The following TP73 variants were observed in gnomAD, a reference collection of about 807,000 sequenced individuals.
TP73 encodes p53-like transcription factor.
A neutral mutation model predicts 62.5 loss-of-function variants in TP73; 25 were observed. That is an observed-to-expected ratio of 0.40 (90% CI 0.29 to 0.56). TP73 has a LOEUF of 0.56. Ranked by LOEUF, TP73 falls within the 20% of genes least tolerant of loss-of-function variation. TP73 has a pLI of 0.46. For missense variants in TP73, 754 were observed against 913.3 expected (o/e 0.83, Z 2.25); for synonymous variants, 423 against 377.5 (o/e 1.12, Z -1.40).
intron 4 of TP73, chr1:3,714,043 C>T (rs1640385972): frequency 6.6e-6 from 1 of 152,266 alleles, no homozygotes; most frequent in Non-Finnish European, 1.5e-5. Context: ...TGGAGCGAGG[C>T]ACCCAGCTCC....
At chr1:3,719,212 A>G (rs1557565289) in intron 4 of TP73, among the ~76,000 whole-genome samples, 1 of 151,834 alleles carries the variant, frequency 6.6e-6, no homozygotes, top group African/African-American at 2.4e-5. Context: ...GTTGAGTACC[A>G]CCTGTGTACC....
chr1:3,686,966 G>A lies in TP73; in HGVS notation c.186+3786G>A, dbSNP rs140387154. Reference sequence around the variant, plus strand: ...TGTGACAAACGCTAGGTGTGAGGGTGAGGGCAGGGAGGAGGCCCTGTGTTT... The same window carrying A: ...TGTGACAAACGCTAGGTGTGAGGGTAAGGGCAGGGAGGAGGCCCTGTGTTT... On this transcript the variant is annotated intron_variant, in intron 3 of 13. Coordinates refer to ENST00000378295, the MANE Select transcript of TP73 (RefSeq NM_005427.4). Among the ~76,000 whole-genome samples, 732 of 152,340 alleles carry A rather than the reference G, an allele frequency of 4.8e-3. 1 individual carries two copies. The highest frequency in any genetic ancestry group is 0.01 in the Middle Eastern group (3 of 294).
chr1:3,661,342 A>G (rs1277120581), intron 1 of TP73, among the ~76,000 whole-genome samples: 1 of 152,224 alleles, frequency 6.6e-6, no homozygotes, highest in Non-Finnish European at 1.5e-5. Context: ...ATGAAATAAT[A>G]CTTAATTCTC....
At chr1:3,709,803 G>A (rs1279755284) in intron 4 of TP73, among the ~76,000 whole-genome samples, 3 of 152,224 alleles carry the variant, frequency 2.0e-5, no homozygotes, top group African/African-American at 7.2e-5. Flanking sequence ...CTGGCAGGCA[G>A]CTTGTGGGAG....
At chr1:3,729,510 G>A in intron 10 of TP73, 62 bp downstream of exon 10, 1 of 1,607,726 alleles carries the variant, frequency 6.2e-7, no homozygotes, top group Non-Finnish European at 8.5e-7. Context: ...CCCCCCAGGA[G>A]AAGGCCAGGA....
chr1:3,686,885 G>C (rs2102112461), intron 3 of TP73, among the ~76,000 whole-genome samples: 1 of 152,294 alleles, frequency 6.6e-6, no homozygotes, highest in Middle Eastern at 3.4e-3. Flanking sequence ...CTACTGAGAG[G>C]CTCCAAGTCA....
intron 3 of TP73, 24 bp from the exon 4 acceptor site, chr1:3,707,525 C>G: frequency 6.3e-7 from 1 of 1,594,968 alleles, no homozygotes; most frequent in Non-Finnish European, 8.6e-7. Context: ...GTTTCCCCCT[C>G]CCTCCTCCCC....
chr1:3,713,722 G>C (rs1273381500), intron 4 of TP73, among the ~76,000 whole-genome samples: 1 of 152,190 alleles, frequency 6.6e-6, no homozygotes, highest in African/African-American at 2.4e-5. Context: ...GGAAGAGGGG[G>C]ACAGACAATT....
intron 1 of TP73, among the ~76,000 whole-genome samples, chr1:3,654,007 C>T (rs900403544): frequency 6.6e-6 from 1 of 152,162 alleles, no homozygotes; most frequent in Non-Finnish European, 1.5e-5. Flanking sequence ...AACCCAGTCT[C>T]TACTTGAAAT....
At chr1:3,684,334 C>T (rs1570435764) in intron 3 of TP73, among the ~76,000 whole-genome samples, 1 of 152,234 alleles carries the variant, frequency 6.6e-6, no homozygotes, top group East Asian at 1.9e-4. Flanking sequence ...CAGGGTCGGG[C>T]CTCCCTCACT....
intron 1 of TP73, among the ~76,000 whole-genome samples, chr1:3,671,878 G>A (rs1225843530): frequency 2.6e-5 from 4 of 152,156 alleles, no homozygotes; most frequent in African/African-American, 9.7e-5. Context: ...CACGGGGGAG[G>A]TCACGGGGCT....
At chr1:3,691,302 G>A (rs1156288489) in intron 3 of TP73, among the ~76,000 whole-genome samples, 4 of 152,148 alleles carry the variant, frequency 2.6e-5, no homozygotes, top group Non-Finnish European at 4.4e-5. Flanking sequence ...CAGAGTTTCC[G>A]AGCTGCCCTG....
At chr1:3,657,833 CTG>C (rs1441687896) in intron 1 of TP73, among the ~76,000 whole-genome samples, 6 of 152,230 alleles carry the variant, frequency 3.9e-5, no homozygotes, top group Non-Finnish European at 8.8e-5. Flanking sequence ...GGAAAACAGA[CTG>C]TTCCACACAC....
At chr1:3,673,262 G>A (rs1215244186) in intron 1 of TP73, among the ~76,000 whole-genome samples, 1 of 152,170 alleles carries the variant, frequency 6.6e-6, no homozygotes, top group East Asian at 1.9e-4. Flanking sequence ...AAGGAGCCAG[G>A]GACCCGGCAG....
rs561004989 is a variant in TP73, at chr1:3,698,778, G to T, written c.187-8771G>T. Among the ~76,000 whole-genome samples the T allele has an allele frequency of 2.7e-4, 41 of 152,300 alleles. 1 individual carries two copies. In the South Asian group the frequency reaches 7.7e-3, roughly 28 times the overall value. ...CCAGGCTACCCTGGAGTCATCTGAA[G>T]TCACCTGGGCGTGTGGAGGGACATG... is the stretch of plus-strand genomic sequence containing the variant. On this transcript the variant is annotated intron_variant, in intron 3 of 13. Transcript: ENST00000378295.
rs567787658 is a variant in TP73, at chr1:3,717,357, C to T, written c.430-4664C>T. 1.3e-4 allele frequency among the ~76,000 whole-genome samples: 20 copies of T among 152,282 alleles called. No homozygotes were observed. The South Asian group carries it at 2.9e-3, about 22-fold the overall frequency. Reference sequence around the variant, plus strand: ...AAGGAGAGGAGGGTCGGAGAGGAGCCGGCAGCGTGGGGAGGGATGGGCACA... The same window carrying T: ...AAGGAGAGGAGGGTCGGAGAGGAGCTGGCAGCGTGGGGAGGGATGGGCACA... On this transcript the variant is annotated intron_variant, in intron 4 of 13. Transcript: ENST00000378295.
At chr1:3,654,472 C>T (rs1644824237) in intron 1 of TP73, among the ~76,000 whole-genome samples, 2 of 152,238 alleles carry the variant, frequency 1.3e-5, no homozygotes, top group South Asian at 2.1e-4. Flanking sequence ...TTCAAATCTC[C>T]TCTTCCCCAT....
At position 3,696,888 on chromosome 1, in the gene TP73, G is replaced by T. The variant is rs554342384; in HGVS notation, c.187-10661G>T. On this transcript the variant is annotated intron_variant, in intron 3 of 13. Transcript: ENST00000378295. This position sits in a 1 kb window ranked among gnomAD's most constrained non-coding sequence, Gnocchi z 4.1. ...CTGTGCCTAGTGCACGCCCGCCTCC[G>T]GCCCCCCTGCCACCCTCGGCCAGCT... is the stretch of plus-strand genomic sequence containing the variant. Among the ~76,000 whole-genome samples the T allele has an allele frequency of 1.3e-5, 2 of 152,060 alleles. No individual in the cohort carries two copies. The highest frequency in any genetic ancestry group is 2.4e-5 in the African/African-American group (1 of 41,394).
At chr1:3,678,067 A>G (rs1286159823) in intron 1 of TP73, among the ~76,000 whole-genome samples, 1 of 152,206 alleles carries the variant, frequency 6.6e-6, no homozygotes, top group Non-Finnish European at 1.5e-5. Flanking sequence ...TTTGCATTTT[A>G]TGATGTTGAT....
Sources: gnomAD v4.1 joint callset for allele counts (sites outside exome capture counted in the v4.1 genomes callset) on GRCh38, gnomAD v4.1.1 for gene constraint, Gnocchi (gnomAD v3.1) non-coding constraint, MANE v1.5 for transcripts, NCBI Gene and HGNC (gene_info 2026-07-23, HGNC 2026-07-21) for gene names.